PDS5B: variants seen among roughly 807,000 people sequenced by gnomAD.
PDS5B encodes sister chromatid cohesion protein PDS5 homolog B.
A neutral mutation model predicts 184.1 loss-of-function variants in PDS5B; 51 were observed. The ratio of observed to expected loss-of-function variants is 0.28; its 90% CI spans 0.22 to 0.35. PDS5B has a LOEUF of 0.35. Ranked by LOEUF, PDS5B falls within the 10% of genes least tolerant of loss-of-function variation. The pLI is 1.00. For synonymous variants in PDS5B, 566 were observed against 569.2 expected, an observed-to-expected ratio of 0.99 and a Z score of 0.08; for missense variants, 1,180 against 1,723.3, an observed-to-expected ratio of 0.68 and a Z score of 5.58.
rs116032095 is a variant in PDS5B, at chr13:32,691,063, G to A, written c.1469+2494G>A. 4.4e-3 allele frequency: 673 copies of A among 152,030 alleles called. 6 individuals carry two copies. The highest frequency in any genetic ancestry group is 0.015 in the African/African-American group (633 of 41,506). The allele number at this position is 152,030 out of a possible 1,614,324, so 9.4% of individuals were successfully genotyped here. A position where few individuals can be genotyped will look rare whatever the true frequency, so the allele number is the denominator to read the frequency against. On this transcript the variant is annotated intron_variant, in intron 13 of 34. Coordinates refer to ENST00000315596, the MANE Select transcript of PDS5B (RefSeq NM_015032.4). ...ATATGTTATGAAGCATAGTAATAAA[G>A]TAAAAATACCTATGAATCTATTACC...
In PDS5B at chr13:32,725,864, C is replaced by CT. The variant is rs560921787; in HGVS notation, c.2124-6229dup. ...TAGTCTTTTACTTTTTTAGCTAGTTCTTTTTTTTATTTAGCATGTATCATA... is the reference window on the plus strand; with the variant it reads ...TAGTCTTTTACTTTTTTAGCTAGTTCTTTTTTTTTATTTAGCATGTATCATA... On this transcript the variant is annotated intron_variant, in intron 19 of 34. Transcript: ENST00000315596. 6.3e-4 allele frequency among the ~76,000 whole-genome samples: 95 copies of CT among 151,902 alleles called. 1 individual carries two copies. Among genetic ancestry groups the CT allele is most frequent in the Non-Finnish European group, 1.1e-3 (74 of 67,908 alleles).
At chr13:32,772,045 A>T (rs1006145874) in intron 33 of PDS5B, among the ~76,000 whole-genome samples, 2 of 151,844 alleles carry the variant, frequency 1.3e-5, no homozygotes, top group African/African-American at 4.8e-5. Context: ...GTATACTAAC[A>T]TATGTTAGGA....
intron 1 of PDS5B, among the ~76,000 whole-genome samples, chr13:32,604,738 C>T (rs1465471897): frequency 2.6e-5 from 4 of 152,126 alleles, no homozygotes; most frequent in Non-Finnish European, 5.9e-5. Context: ...TTAATTATTG[C>T]CTCAATTTCA....
rs568274459 is a variant in PDS5B, at chr13:32,592,584, C to T, written c.-20+5991C>T. ...AAGTAGAAGCTCTTGAGCACTTTTT[C>T]CCCCTCTGTCTCTTTGGTACTATTC... On this transcript the variant is annotated intron_variant, in intron 1 of 34. Transcript: ENST00000315596. Among the ~76,000 whole-genome samples the T allele has an allele frequency of 2.4e-3, 362 of 152,228 alleles. 2 individuals carry two copies. The highest frequency in any genetic ancestry group is 8.5e-3 in the African/African-American group (351 of 41,532).
At chr13:32,673,500 C>T (rs1311845873) in intron 8 of PDS5B, 144 bp downstream of exon 8, 20 of 699,578 alleles carry the variant, frequency 2.9e-5, no homozygotes, top group Non-Finnish European at 4.5e-5. Context: ...GTATTTGTGC[C>T]GTGTCTGTTT....
At chr13:32,728,084 G>A (rs1307082138) in intron 19 of PDS5B, among the ~76,000 whole-genome samples, 3 of 150,910 alleles carry the variant, frequency 2.0e-5, no homozygotes, top group African/African-American at 7.3e-5. Context: ...AATTCCATCA[G>A]TTTATTTTCC....
intron 24 of PDS5B, among the ~76,000 whole-genome samples, chr13:32,752,506 A>G (rs1309739317): frequency 1.3e-5 from 2 of 152,308 alleles, no homozygotes; most frequent in Admixed American, 6.5e-5. Flanking sequence ...TCAAGGAACA[A>G]GTACTGGTGG....
At chr13:32,676,936 A>C (rs1951083956) in intron 9 of PDS5B, among the ~76,000 whole-genome samples, 4 of 94,604 alleles carry the variant, frequency 4.2e-5, no homozygotes, top group African/African-American at 1.7e-4. Context: ...TGTCTCCAAA[A>C]AAAAAAAAAA....
chr13:32,616,017 G>C (rs576902837), intron 1 of PDS5B, among the ~76,000 whole-genome samples: 32 of 151,766 alleles, frequency 2.1e-4, no homozygotes, highest in Non-Finnish European at 4.3e-4. Context: ...AATACATCAA[G>C]ATGCTAAGCT....
intron 31 of PDS5B, among the ~76,000 whole-genome samples, chr13:32,768,495 A>C (rs1954656579): frequency 1.3e-5 from 2 of 152,116 alleles, no homozygotes; most frequent in Admixed American, 1.3e-4. Flanking sequence ...GTCCAAAGCA[A>C]GTAAGAAATA....
intron 1 of PDS5B, among the ~76,000 whole-genome samples, chr13:32,646,281 A>C (rs1352725751): frequency 6.6e-6 from 1 of 151,782 alleles, no homozygotes; most frequent in Non-Finnish European, 1.5e-5. Flanking sequence ...TGCTGGGATT[A>C]CAGATGTGAA....
chr13:32,661,411 CAG>C (rs1950644353), intron 6 of PDS5B, among the ~76,000 whole-genome samples: 1 of 78,450 alleles, frequency 1.3e-5, no homozygotes, highest in Non-Finnish European at 2.7e-5. Flanking sequence ...AAAAAAAAAA[CAG>C]AAAAAGAAAA....
At chr13:32,593,147 A>G (rs535950807) in intron 1 of PDS5B, among the ~76,000 whole-genome samples, 66 of 152,344 alleles carry the variant, frequency 4.3e-4, no homozygotes, top group African/African-American at 8.4e-4. Context: ...GGGCTCCTCA[A>G]GAGGTGAGAA....
intron 1 of PDS5B, among the ~76,000 whole-genome samples, chr13:32,639,573 A>G (rs2058622410): frequency 6.6e-6 from 1 of 152,220 alleles, no homozygotes; most frequent in Non-Finnish European, 1.5e-5. Flanking sequence ...GGAGAATAGC[A>G]TAATTTACTT....
In PDS5B at chr13:32,775,434, T is replaced by C; in HGVS notation, c.*382T>C. On this transcript the variant is annotated 3_prime_UTR_variant, in exon 35 of 35. Transcript: ENST00000315596. ...TTGATTTGAAAAGAATTTGTTAGGA[T>C]AGATCTTAAGCAGTAATCTGTCAGT... 6.2e-6 allele frequency: 2 copies of C among 320,336 alleles called. No homozygotes were observed. Among genetic ancestry groups the C allele is most frequent in the Non-Finnish European group, 1.2e-5 (2 of 165,204 alleles). The allele number at this position is 320,336 out of a possible 1,614,324, so 19.8% of individuals were successfully genotyped here.
Position 32,679,007 on chromosome 13 carries a change from A to AT in PDS5B, c.1057+78_1057+79insT, listed in dbSNP as rs1307851060. On this transcript the variant is annotated intron_variant, in intron 10 of 34. Coordinates refer to ENST00000315596, the MANE Select transcript of PDS5B (RefSeq NM_015032.4). ...AATAAGTTTCATAGGGGGAAAAAAA[A>AT]CCCCTTTTTTCGGGGGTGGTAGGTG... 8 of 611,402 alleles carry AT rather than the reference A, an allele frequency of 1.3e-5. 1 individual carries two copies. The African/African-American group carries it at 1.5e-4, about 12-fold the overall frequency. The allele number at this position is 611,402 out of a possible 1,614,324, so 37.9% of individuals were successfully genotyped here.
intron 1 of PDS5B, among the ~76,000 whole-genome samples, chr13:32,644,690 A>G (rs1593321807): frequency 6.6e-6 from 1 of 152,174 alleles, no homozygotes; most frequent in Admixed American, 6.5e-5. Context: ...ATAGCATCCT[A>G]CTTATCTCAG....
chr13:32,770,874 A>C, intron 33 of PDS5B, 113 bp downstream of exon 33: 3 of 738,784 alleles, frequency 4.1e-6, no homozygotes, highest in Non-Finnish European at 6.7e-6. Flanking sequence ...GCCCCATTAC[A>C]CTAGGTAAGA....
chr13:32,593,137 G>A (rs1330847211), intron 1 of PDS5B, among the ~76,000 whole-genome samples: 3 of 152,090 alleles, frequency 2.0e-5, no homozygotes, highest in Non-Finnish European at 2.9e-5. Flanking sequence ...AATATTATGG[G>A]GGCTCCTCAA....
Sources: allele counts gnomAD v4.1 joint callset (sites outside exome capture counted in the v4.1 genomes callset), GRCh38; gene constraint gnomAD v4.1.1; transcripts MANE v1.5; gene names NCBI Gene and HGNC (gene_info 2026-07-23, HGNC 2026-07-21).